The following EGFR variants were observed in gnomAD, a reference collection of about 807,000 sequenced individuals.
EGFR encodes epidermal growth factor receptor.
EGFR carries 58 observed loss-of-function variants against 143.0 expected under a neutral mutation model. The observed-to-expected ratio is 0.41, with a 90% confidence interval of 0.33 to 0.50. EGFR has a LOEUF of 0.50. Ranked by LOEUF, EGFR falls within the 20% of genes least tolerant of loss-of-function variation. The probability of loss-of-function intolerance (pLI) is 0.39; values close to 1 mark genes in which losing one functional copy is unlikely to be tolerated. For missense variants in EGFR, 1,307 were observed against 1,579.0 expected (o/e 0.83, Z 2.92); for synonymous variants, 613 against 594.4 (o/e 1.03, Z -0.45).
intron 1 of EGFR, among the ~76,000 whole-genome samples, chr7:55,090,355 G>A (rs76285991): frequency 0.012 from 1,823 of 152,226 alleles, 29 homozygotes; most frequent in African/African-American, 0.041. Flanking sequence ...TGAAAAAGCT[G>A]GCAGTACAAA....
chr7:55,190,418 T>C (rs1406901172), intron 20 of EGFR, among the ~76,000 whole-genome samples: 1 of 152,150 alleles, frequency 6.6e-6, no homozygotes, highest in Non-Finnish European at 1.5e-5. Context: ...TGCGAGACCC[T>C]AGGTTCTTAT....
chr7:55,133,555 A>G (rs1001622581), intron 1 of EGFR, among the ~76,000 whole-genome samples: 6 of 152,166 alleles, frequency 3.9e-5, no homozygotes, highest in African/African-American at 1.4e-4. Context: ...CCATTTAGGA[A>G]TTCTGTATCT....
At chr7:55,090,023 C>G (rs567807538) in intron 1 of EGFR, among the ~76,000 whole-genome samples, 41 of 151,952 alleles carry the variant, frequency 2.7e-4, no homozygotes, top group Admixed American at 1.0e-3. Flanking sequence ...GGCTGGAGTT[C>G]AGTGGCATAA....
chr7:55,035,542 G>A (rs966818711), intron 1 of EGFR, among the ~76,000 whole-genome samples: 1 of 150,700 alleles, frequency 6.6e-6, no homozygotes, highest in Non-Finnish European at 1.5e-5. Flanking sequence ...AACTAGCCAC[G>A]CATGGTGGCA....
At chr7:55,174,209 T>A (rs1786488732) in intron 18 of EGFR, among the ~76,000 whole-genome samples, 166 bp downstream of exon 18, 1 of 152,192 alleles carries the variant, frequency 6.6e-6, no homozygotes, top group South Asian at 2.1e-4. Flanking sequence ...TGAGAGGAAA[T>A]CTTTTATAAC....
chr7:55,021,883 G>A (rs1786587174), intron 1 of EGFR, among the ~76,000 whole-genome samples: 1 of 152,172 alleles, frequency 6.6e-6, no homozygotes, highest in Admixed American at 6.5e-5. Flanking sequence ...GCTGGTGGGA[G>A]GCAGACGGGA....
intron 6 of EGFR, 63 bp from the exon 7 acceptor site, chr7:55,153,948 C>T (rs1199906078): frequency 1.9e-6 from 3 of 1,611,826 alleles, no homozygotes; most frequent in African/African-American, 2.7e-5. Context: ...TGCTGCGCTT[C>T]CTCCGTGTGT....
chr7:55,170,582 C>T (rs1786298842), intron 15 of EGFR: 1 of 1,609,950 alleles, frequency 6.2e-7, no homozygotes. Context: ...CCCGCTTTTC[C>T]TTTCTGCCAC....
At chr7:55,140,621 T>C (rs1413233350) in intron 1 of EGFR, among the ~76,000 whole-genome samples, 1 of 152,202 alleles carries the variant, frequency 6.6e-6, no homozygotes, top group East Asian at 1.9e-4. Context: ...CAACTTGAGG[T>C]TGCATTCAGA....
chr7:55,205,373 G>C lies in EGFR; in HGVS notation c.3389G>C (p.Ser1130Thr), dbSNP rs1788067719. 1 of 1,613,932 alleles carries C rather than the reference G, an allele frequency of 6.2e-7. No homozygotes were observed. Reference protein sequence around the residue: ...SRDPHYQDPHSTAVGNPEYLN... With the variant: ...SRDPHYQDPHTTAVGNPEYLN... ...GACCCACACTACCAGGACCCCCACA[G>C]CACTGCAGTGGGCAACCCCGAGTAT... The change falls in exon 28 of 28, where the codon AGC becomes ACC. Residue 1130 changes from serine to threonine, a missense_variant. Around this residue, in one of 7 missense-constraint regions of EGFR, gnomAD observed 313 missense variants for 312.3 expected, o/e 1.00. Coordinates refer to ENST00000275493, the MANE Select transcript of EGFR (RefSeq NM_005228.5).
At position 55,103,269 on chromosome 7, in the gene EGFR, T is replaced by C. The variant is rs1791928149; in HGVS notation, c.89-39017T>C. Among the ~76,000 whole-genome samples the C allele has an allele frequency of 1.3e-5, 2 of 152,224 alleles. 1 individual carries two copies. Among genetic ancestry groups the C allele is most frequent in the South Asian group, 4.1e-4 (2 of 4,826 alleles). ...TCTGCAAGCCCTTCAGTGTGTGTCC[T>C]CTCTGAGCAAATCTGAATTGTGTGC... On this transcript the variant is annotated intron_variant, in intron 1 of 27. Transcript: ENST00000275493.
chr7:55,188,051 C>T (rs796239966), intron 20 of EGFR, among the ~76,000 whole-genome samples: 19 of 152,280 alleles, frequency 1.2e-4, no homozygotes, highest in African/African-American at 4.3e-4. Flanking sequence ...TTGGTCTCAG[C>T]ATGGTTCTGG....
Position 55,181,157 on chromosome 7 carries a change from G to A in EGFR, c.2284-136G>A, listed in dbSNP as rs530991322. ...CGTCCCTGTGCTAGGTCTTTTGCAGGCACAGCTTTTCCTCCATGAGTACGT... is the reference window on the plus strand; with the variant it reads ...CGTCCCTGTGCTAGGTCTTTTGCAGACACAGCTTTTCCTCCATGAGTACGT... On this transcript the variant is annotated intron_variant, in intron 19 of 27. Coordinates refer to ENST00000275493, the MANE Select transcript of EGFR (RefSeq NM_005228.5). The A allele has an allele frequency of 7.1e-5, 78 of 1,104,632 alleles. 1 individual carries two copies. The South Asian group carries it at 9.6e-4, about 14-fold the overall frequency. 68.4% of individuals were successfully genotyped at this position (1,104,632 alleles called of 1,614,324 possible). A position where few individuals can be genotyped will look rare whatever the true frequency, so the allele number is the denominator to read the frequency against.
chr7:55,163,748 T>C lies in EGFR; in HGVS notation c.1647T>C (p.Phe549=), dbSNP rs750403646. The C allele has an allele frequency of 1.9e-6, 3 of 1,614,250 alleles. 1 individual carries two copies. In the South Asian group the frequency reaches 3.3e-5, roughly 18 times the overall value. The change falls in exon 14 of 28, where the codon TTT becomes TTC. Residue 549 remains phenylalanine, a synonymous_variant. Coordinates refer to ENST00000275493, the MANE Select transcript of EGFR (RefSeq NM_005228.5). ...CTCCTCTCAGTGAGCCAAGGGAGTT[T>C]GTGGAGAACTCTGAGTGCATACAGT... is the stretch of plus-strand genomic sequence containing the variant. ...CNLLEGEPRE[F]VENSECIQCH...
rs2128969871 is a variant in EGFR, at chr7:55,200,357, T to C, written c.2890T>C (p.Leu964=). Reference sequence around the variant, plus strand: ...AGATAGTCGCCCAAAGTTCCGTGAGTTGATCATCGAATTCTCCAAAATGGC... The same window carrying C: ...AGATAGTCGCCCAAAGTTCCGTGAGCTGATCATCGAATTCTCCAAAATGGC... ...DADSRPKFRE[L]IIEFSKMARD... is the part of the protein sequence containing the mutation. Residue 964 remains leucine (L), a synonymous_variant, in exon 24 of 28, where the codon TTG becomes CTG. Transcript: ENST00000275493. 6.2e-7 allele frequency: 1 copy of C among 1,614,164 alleles called. No individual in the cohort carries two copies. The highest frequency in any genetic ancestry group is 8.5e-7 in the Non-Finnish European group (1 of 1,180,028).
At position 55,157,670 on chromosome 7, in the gene EGFR, G is replaced by A. The variant is rs748900962; in HGVS notation, c.1215G>A (p.Leu405=). 1 of 1,614,210 alleles carries A rather than the reference G, an allele frequency of 6.2e-7. No homozygotes were observed. The change falls in exon 11 of 28, where the codon TTG becomes TTA. Residue 405 remains leucine (L), a synonymous_variant. Coordinates refer to ENST00000275493, the MANE Select transcript of EGFR (RefSeq NM_005228.5). The part of the protein sequence containing the change: ...LKTVKEITGF[L]LIQAWPENRT... ...CTTTCATCTGCCTTACAGGGTTTTT[G>A]CTGATTCAGGCTTGGCCTGAAAACA... is the stretch of plus-strand genomic sequence containing the variant.
chr7:55,088,549 G>A (rs1452490413), intron 1 of EGFR, among the ~76,000 whole-genome samples: 1 of 152,176 alleles, frequency 6.6e-6, no homozygotes, highest in Non-Finnish European at 1.5e-5. Flanking sequence ...CAAATTAGAT[G>A]CCTGGCACAT....
intron 1 of EGFR, among the ~76,000 whole-genome samples, chr7:55,088,671 C>A (rs1014071422): frequency 6.6e-6 from 1 of 152,204 alleles, no homozygotes; most frequent in Non-Finnish European, 1.5e-5. Context: ...GAGCTTCCAT[C>A]GTGCTGCTAA....
chr7:55,165,270 C>G lies in EGFR; in HGVS notation c.1723-10C>G, dbSNP rs1785908649. On this transcript the variant is annotated splice_polypyrimidine_tract_variant and intron_variant, in intron 14 of 27. Transcript: ENST00000275493. ...GACATGCATGAACATTTTTCTCCAC[C>G]TTGGTGCAGGGACCAGACAACTGTA... 3 of 1,613,982 alleles carry G rather than the reference C, an allele frequency of 1.9e-6. No homozygotes were observed. The highest frequency in any genetic ancestry group is 1.7e-5 in the Admixed American group (1 of 59,994).
Sources: gnomAD v4.1 joint callset for allele counts (sites outside exome capture counted in the v4.1 genomes callset) on GRCh38, gnomAD v4.1.1 for gene constraint, gnomAD v4.1.1 regional missense constraint, MANE v1.5 for transcripts, NCBI Gene and HGNC (gene_info 2026-07-23, HGNC 2026-07-21) for gene names.